LRP1B: variants seen among roughly 807,000 people sequenced by gnomAD.
The protein encoded by LRP1B is low-density lipoprotein receptor-related protein 1B.
Under a neutral mutation model 556.6 loss-of-function variants are expected in LRP1B, and 217 were observed. The ratio of observed to expected loss-of-function variants is 0.39; its 90% CI spans 0.35 to 0.44. The LOEUF is 0.44. Ranked by LOEUF, LRP1B falls within the 20% of genes least tolerant of loss-of-function variation. The pLI, the probability that LRP1B is intolerant of heterozygous loss-of-function variation, is 1.00. For synonymous variants in LRP1B, 2,047 were observed against 1,865.8 expected, an observed-to-expected ratio of 1.10 and a Z score of -2.50; for missense variants, 5,053 against 5,620.8, an observed-to-expected ratio of 0.90 and a Z score of 3.23.
chr2:140,398,889 A>C (rs1276411005), intron 66 of LRP1B, among the ~76,000 whole-genome samples: 1 of 152,134 alleles, frequency 6.6e-6, no homozygotes, highest in Admixed American at 6.5e-5. Flanking sequence ...TTGTTTCAGT[A>C]TTGCAGGGAG....
intron 7 of LRP1B, among the ~76,000 whole-genome samples, chr2:141,115,931 C>G (rs945200140): frequency 6.6e-6 from 1 of 152,068 alleles, no homozygotes; most frequent in East Asian, 1.9e-4. Flanking sequence ...ATGAAAGCAT[C>G]GTAAGAGAAT....
chr2:140,518,331 C>T (rs5004995), intron 49 of LRP1B, among the ~76,000 whole-genome samples: 1 of 151,898 alleles, frequency 6.6e-6, no homozygotes, highest in Non-Finnish European at 1.5e-5. Flanking sequence ...GGCTTCCTGT[C>T]TGTCTGTCTA....
chr2:141,852,798 T>TA (rs1305851209), intron 1 of LRP1B, among the ~76,000 whole-genome samples: 7 of 151,032 alleles, frequency 4.6e-5, no homozygotes, highest in East Asian at 1.9e-4. Flanking sequence ...CAAAGTTTTG[T>TA]AAAAAAATAC....
intron 1 of LRP1B, among the ~76,000 whole-genome samples, chr2:141,901,188 T>C (rs917245518): frequency 1.4e-4 from 22 of 152,000 alleles, no homozygotes; most frequent in African/African-American, 5.1e-4. Context: ...TTTTCCCTCA[T>C]GCAACAGAAA....
intron 35 of LRP1B, among the ~76,000 whole-genome samples, chr2:140,732,753 G>T (rs1022706633): frequency 6.6e-6 from 1 of 151,960 alleles, no homozygotes; most frequent in Non-Finnish European, 1.5e-5. Flanking sequence ...TAAATGAAGA[G>T]ACATATAATT....
chr2:140,797,616 C>G (rs941118258), intron 32 of LRP1B, among the ~76,000 whole-genome samples: 1 of 151,954 alleles, frequency 6.6e-6, no homozygotes, highest in Non-Finnish European at 1.5e-5. Flanking sequence ...TACAAGCTTT[C>G]AATAAATGTT....
At chr2:141,488,741 A>G (rs1683210359) in intron 2 of LRP1B, among the ~76,000 whole-genome samples, 1 of 151,988 alleles carries the variant, frequency 6.6e-6, no homozygotes, top group Non-Finnish European at 1.5e-5. Flanking sequence ...TACAAGCATG[A>G]GCCCCCATAC....
chr2:141,689,287 A>G (rs1458322888), intron 2 of LRP1B, among the ~76,000 whole-genome samples: 1 of 151,860 alleles, frequency 6.6e-6, no homozygotes, highest in African/African-American at 2.4e-5. Flanking sequence ...TAATTTATCC[A>G]AGGTAGACTA....
Position 141,062,050 on chromosome 2 carries a change from C to G in LRP1B, c.1236+1G>C, listed in dbSNP as rs2105467949. 6.2e-7 allele frequency: 1 copy of G among 1,609,828 alleles called. No homozygotes were observed. The highest frequency in any genetic ancestry group is 8.5e-7 in the Non-Finnish European group (1 of 1,176,862). On this transcript the variant is annotated splice_donor_variant, in intron 8 of 90. Coordinates refer to ENST00000389484, the MANE Select transcript of LRP1B (RefSeq NM_018557.3). LOFTEE classifies it high-confidence loss of function. Reference sequence around the variant, plus strand: ...GCGTTGTCTAACAAAATTGTACTTACTTGTCTGCCTTGAATGACAGTGTGT... The same window carrying G: ...GCGTTGTCTAACAAAATTGTACTTAGTTGTCTGCCTTGAATGACAGTGTGT...
intron 17 of LRP1B, among the ~76,000 whole-genome samples, chr2:140,984,887 G>T (rs12105905): frequency 6.6e-6 from 1 of 151,844 alleles, no homozygotes; most frequent in Non-Finnish European, 1.5e-5. Context: ...CCCAAGGACT[G>T]TTTATCTATA....
At position 141,534,413 on chromosome 2, in the gene LRP1B, A is replaced by C. The variant is rs140269309; in HGVS notation, c.206-53880T>G. Reference sequence around the variant, plus strand: ...AAAACATTACCAAGCCTTTTGACAGATCATTTTTACTCTTTTAAAGGCCTT... The same window carrying C: ...AAAACATTACCAAGCCTTTTGACAGCTCATTTTTACTCTTTTAAAGGCCTT... On this transcript the variant is annotated intron_variant, in intron 2 of 90. Transcript: ENST00000389484. Among the ~76,000 whole-genome samples the C allele has an allele frequency of 2.0e-3, 304 of 152,208 alleles. 1 individual carries two copies. The highest frequency in any genetic ancestry group is 7.0e-3 in the African/African-American group (291 of 41,554).
rs369391920 is a variant in LRP1B, at chr2:140,291,318, A to ATATATTTTTTTT, written c.12967+6489_12967+6490insAAAAAAAATATA. ...TTATTTTATATATATATATATATAT[A>ATATATTTTTTTT]TTTTTATTATACTTTAAGTTCTAGG... On this transcript the variant is annotated intron_variant, in intron 84 of 90. Transcript: ENST00000389484. Among the ~76,000 whole-genome samples the ATATATTTTTTTT allele has an allele frequency of 2.0e-3, 214 of 109,320 alleles. 5 individuals are homozygous for ATATATTTTTTTT. Among genetic ancestry groups the ATATATTTTTTTT allele is most frequent in the Middle Eastern group, 0.011 (2 of 188 alleles). 71.7% of individuals were successfully genotyped at this position (109,320 alleles called of 152,430 possible).
At chr2:141,463,526 A>G (rs1158501899) in intron 3 of LRP1B, among the ~76,000 whole-genome samples, 18 of 130,308 alleles carry the variant, frequency 1.4e-4, no homozygotes, top group African/African-American at 5.2e-4. Flanking sequence ...CAAATATTAT[A>G]TAAAATTATA....
intron 15 of LRP1B, among the ~76,000 whole-genome samples, chr2:140,995,252 T>C (rs1405840584): frequency 1.3e-5 from 2 of 152,084 alleles, no homozygotes; most frequent in East Asian, 1.9e-4. Context: ...GCAACATTTC[T>C]GCTTTTTAGA....
intron 2 of LRP1B, among the ~76,000 whole-genome samples, chr2:141,496,372 C>A (rs1436610576): frequency 6.6e-6 from 1 of 152,016 alleles, no homozygotes; most frequent in African/African-American, 2.4e-5. Context: ...AATTAAAATT[C>A]TGCATTTCTA....
At chr2:140,256,250 T>C (rs1002176450) in intron 86 of LRP1B, among the ~76,000 whole-genome samples, 2 of 151,932 alleles carry the variant, frequency 1.3e-5, no homozygotes, top group Non-Finnish European at 2.9e-5. Context: ...AAAGATTATC[T>C]TCAAGCAAGT....
At chr2:141,542,194 T>C (rs1685285286) in intron 2 of LRP1B, among the ~76,000 whole-genome samples, 1 of 152,028 alleles carries the variant, frequency 6.6e-6, no homozygotes, top group Non-Finnish European at 1.5e-5. Context: ...ACAAGTTACT[T>C]AACATCTCTC....
At chr2:140,333,268 T>A (rs183783222) in intron 79 of LRP1B, among the ~76,000 whole-genome samples, 2 of 152,210 alleles carry the variant, frequency 1.3e-5, no homozygotes, top group African/African-American at 4.8e-5. Flanking sequence ...ACTAAAATAG[T>A]ACCTCCATTG....
intron 59 of LRP1B, among the ~76,000 whole-genome samples, chr2:140,477,937 T>G (rs2105351520): frequency 6.6e-6 from 1 of 152,224 alleles, no homozygotes; most frequent in South Asian, 2.1e-4. Context: ...GTCTCACATT[T>G]TCACTTTTCA....
Sources: gnomAD v4.1 joint callset for allele counts (sites outside exome capture counted in the v4.1 genomes callset) on GRCh38, gnomAD v4.1.1 for gene constraint, MANE v1.5 for transcripts, NCBI Gene and HGNC (gene_info 2026-07-23, HGNC 2026-07-21) for gene names.